EML5: variants seen among roughly 807,000 people sequenced by gnomAD.
EML5 encodes EMAP like 5.
Under a neutral mutation model 250.0 loss-of-function variants are expected in EML5, and 120 were observed. That is an observed-to-expected ratio of 0.48 (90% confidence interval 0.41 to 0.56). EML5 has a LOEUF of 0.56. Ranked by LOEUF, EML5 falls within the 20% of genes least tolerant of loss-of-function variation. The pLI is 0.00. For synonymous variants in EML5, 771 were observed against 806.5 expected, an observed-to-expected ratio of 0.96 and a Z score of 0.75; for missense variants, 2,006 against 2,437.6, an observed-to-expected ratio of 0.82 and a Z score of 3.73.
intron 1 of EML5, among the ~76,000 whole-genome samples, chr14:88,772,479 C>G (rs1247311150): frequency 6.6e-6 from 1 of 152,178 alleles, no homozygotes; most frequent in Non-Finnish European, 1.5e-5. Context: ...TACCTTCGGC[C>G]GGACGAGGTA....
At chr14:88,696,061 T>A (rs1352104602) in intron 15 of EML5, among the ~76,000 whole-genome samples, 1 of 152,038 alleles carries the variant, frequency 6.6e-6, no homozygotes, top group Non-Finnish European at 1.5e-5. Context: ...TACCACACTT[T>A]GCAAGTCTCA....
intron 20 of EML5, among the ~76,000 whole-genome samples, chr14:88,682,321 A>C (rs993150798): frequency 1.3e-5 from 2 of 152,084 alleles, no homozygotes; most frequent in Non-Finnish European, 2.9e-5. Flanking sequence ...TGCAATGTTA[A>C]TAATTGCCAC....
At chr14:88,753,438 GT>G (rs1458432870) in intron 2 of EML5, among the ~76,000 whole-genome samples, 1 of 152,100 alleles carries the variant, frequency 6.6e-6, no homozygotes, top group Non-Finnish European at 1.5e-5. Context: ...ACTGTAATTT[GT>G]TTCTGTAAAA....
chr14:88,617,268 C>G (rs2087799947), intron 41 of EML5: 1 of 159,688 alleles, frequency 6.3e-6, no homozygotes, highest in African/African-American at 2.4e-5. Flanking sequence ...CTGCCTCAGC[C>G]TCCCGAGTAG....
intron 32 of EML5, among the ~76,000 whole-genome samples, chr14:88,636,192 C>CTCA (rs1204784541): frequency 6.6e-6 from 1 of 152,140 alleles, no homozygotes; most frequent in Non-Finnish European, 1.5e-5. Context: ...AGAGAAAAGG[C>CTCA]TCATGCAGGG....
chr14:88,695,443 G>A lies in EML5; in HGVS notation c.2356C>T (p.Arg786Cys), dbSNP rs375727661. 41 of 1,611,818 alleles carry A rather than the reference G, an allele frequency of 2.5e-5. No individual in the cohort carries two copies. The highest frequency in any genetic ancestry group is 8.0e-5 in the African/African-American group (6 of 74,832). Residue 786 changes from arginine (R) to cysteine (C), a missense_variant, in exon 16 of 44, where the codon CGT becomes TGT. Arg to Cys is a radical substitution (Grantham distance 180, BLOSUM62 -3). Transcript: ENST00000554922. ...SAVDFSADGK[R>C]LASVGIDDSH... ...TCATCTATGCCAACTGATGCCAAAC[G>A]TTTCCCATCCGCTGTGGAAAATTAA... is the stretch of plus-strand genomic sequence containing the variant.
At chr14:88,687,398 A>G in intron 18 of EML5, 71 bp from the exon 19 acceptor site, 1 of 1,085,350 alleles carries the variant, frequency 9.2e-7, no homozygotes, top group Non-Finnish European at 1.3e-6. Context: ...TTTTCCTTAT[A>G]TTGAAAACTT....
Position 88,621,449 on chromosome 14 carries a change from A to G in EML5, c.5014-148T>C, listed in dbSNP as rs1055984377. On this transcript the variant is annotated intron_variant, in intron 37 of 43. Transcript: ENST00000554922. Reference sequence around the variant, plus strand: ...GCAAGGCAGTCATTAGCTCATGCAAATTTTTCTATGACTACAGGCACACAT... The same window carrying G: ...GCAAGGCAGTCATTAGCTCATGCAAGTTTTTCTATGACTACAGGCACACAT... The G allele has an allele frequency of 4.1e-5, 33 of 805,458 alleles. No homozygotes were observed. In the Admixed American group the frequency reaches 4.7e-4, roughly 12 times the overall value. 49.9% of individuals were successfully genotyped at this position (805,458 alleles called of 1,614,324 possible). A position where few individuals can be genotyped will look rare whatever the true frequency, so the allele number is the denominator to read the frequency against.
intron 21 of EML5, among the ~76,000 whole-genome samples, chr14:88,674,138 G>A (rs551180249): frequency 2.6e-5 from 4 of 152,052 alleles, no homozygotes; most frequent in Admixed American, 6.6e-5. Flanking sequence ...GCATGGTAGC[G>A]CATGTCTGTA....
intron 31 of EML5, among the ~76,000 whole-genome samples, chr14:88,641,182 C>A (rs761864095): frequency 6.6e-6 from 1 of 152,010 alleles, no homozygotes. Context: ...CCCAGACATA[C>A]AAAGAAAAGC....
At chr14:88,746,377 G>A in intron 2 of EML5, 94 bp from the exon 3 acceptor site, 2 of 1,012,166 alleles carry the variant, frequency 2.0e-6, no homozygotes, top group Non-Finnish European at 3.0e-6. Context: ...ATACTCATGG[G>A]TTTTTATAAA....
chr14:88,774,202 T>C (rs1489693135), intron 1 of EML5, among the ~76,000 whole-genome samples: 1 of 152,182 alleles, frequency 6.6e-6, no homozygotes, highest in African/African-American at 2.4e-5. Flanking sequence ...GTTTCTAATT[T>C]GGTAGATCTG....
chr14:88,725,206 T>C (rs142130316), intron 8 of EML5, among the ~76,000 whole-genome samples: 18 of 152,224 alleles, frequency 1.2e-4, no homozygotes, highest in African/African-American at 3.9e-4. Flanking sequence ...TTTGGGAAGA[T>C]GAAAAAGTTC....
chr14:88,627,872 G>A, intron 33 of EML5, 53 bp from the exon 34 acceptor site: 1 of 1,479,446 alleles, frequency 6.8e-7, no homozygotes. Context: ...AAATATTTCT[G>A]TTTCTAAAGC....
At chr14:88,655,821 C>T (rs1199691760) in intron 27 of EML5, among the ~76,000 whole-genome samples, 4 of 152,162 alleles carry the variant, frequency 2.6e-5, no homozygotes, top group Non-Finnish European at 5.9e-5. Flanking sequence ...TATGAACAGA[C>T]ACTTCTCAAA....
chr14:88,733,416 G>A (rs537947651), intron 7 of EML5, among the ~76,000 whole-genome samples: 1 of 152,218 alleles, frequency 6.6e-6, no homozygotes, highest in Non-Finnish European at 1.5e-5. Flanking sequence ...TAAGGTGATT[G>A]ACATTTTAAC....
At position 88,622,647 on chromosome 14, in the gene EML5, G is replaced by C; in HGVS notation, c.4970C>G (p.Thr1657Arg). The change falls in exon 37 of 44, where the codon ACA becomes AGA. Residue 1657 changes from threonine to arginine, a missense_variant. Thr to Arg is a moderately conservative substitution (Grantham distance 71). Transcript: ENST00000554922. ...LRRCRAFRLETGQATDCVRSV... is the reference protein window; with the variant it reads ...LRRCRAFRLERGQATDCVRSV... The stretch of plus-strand genomic sequence containing the variant: ...ACGAACACAATCTGTGGCTTGTCCT[G>C]TCTCAAGCCTGAAGGCACGGCACCG... 3 of 1,611,416 alleles carry C rather than the reference G, an allele frequency of 1.9e-6. No homozygotes were observed. Among genetic ancestry groups the C allele is most frequent in the South Asian group, 1.1e-5 (1 of 90,424 alleles).
intron 1 of EML5, among the ~76,000 whole-genome samples, chr14:88,784,700 A>G (rs2094532870): frequency 6.6e-6 from 1 of 152,198 alleles, no homozygotes; most frequent in South Asian, 2.1e-4. Context: ...AAAATGACTT[A>G]TATCCAAAAG....
Position 88,665,349 on chromosome 14 carries a change from G to A in EML5, c.3265C>T (p.Arg1089Ter). ...CAATGGATCTTACCAGGTGAAAATC[G>A]AATATCTGAAATCATATCTTTTCTG... Reference protein sequence around the residue: ...HHRKDMISDIRFSPGSGKYLA... With the variant: ...HHRKDMISDI Residue 1089 changes from arginine to a stop codon, truncating the protein, a stop_gained, in exon 22 of 44, where the codon CGA becomes TGA. Transcript: ENST00000554922. LOFTEE classifies it high-confidence loss of function. 1 of 1,611,562 alleles carries A rather than the reference G, an allele frequency of 6.2e-7. No individual in the cohort carries two copies. Among genetic ancestry groups the A allele is most frequent in the Non-Finnish European group, 8.5e-7 (1 of 1,178,830 alleles).
Sources: gnomAD v4.1 joint callset for allele counts (sites outside exome capture counted in the v4.1 genomes callset) on GRCh38, gnomAD v4.1.1 for gene constraint, MANE v1.5 for transcripts, NCBI Gene and HGNC (gene_info 2026-07-23, HGNC 2026-07-21) for gene names.